HECW1: variants seen among roughly 807,000 people sequenced by gnomAD.
The protein encoded by HECW1 is HECT, C2 and WW domain containing E3 ubiquitin protein ligase 1.
Under a neutral mutation model 182.3 loss-of-function variants are expected in HECW1, and 61 were observed. That is an observed-to-expected ratio of 0.33 (90% CI 0.27 to 0.41). The LOEUF (loss-of-function observed/expected upper bound fraction) is 0.41, where lower values mean the gene tolerates loss of function less well. Among genes scored for constraint, HECW1 ranks in the 10% least tolerant of loss-of-function variants. The pLI is 1.00. For missense variants in HECW1, 1,739 were observed against 2,108.9 expected, an observed-to-expected ratio of 0.82 and a Z score of 3.44; for synonymous variants, 859 against 832.6, an observed-to-expected ratio of 1.03 and a Z score of -0.55.
chr7:43,324,946 G>T (rs1157454842), intron 5 of HECW1, among the ~76,000 whole-genome samples: 1 of 151,856 alleles, frequency 6.6e-6, no homozygotes, highest in African/African-American at 2.4e-5. Context: ...TTTTCTTTGG[G>T]GATAATGATT....
At chr7:43,258,378 A>G (rs1354852891) in intron 3 of HECW1, among the ~76,000 whole-genome samples, 1 of 151,990 alleles carries the variant, frequency 6.6e-6, no homozygotes, top group Non-Finnish European at 1.5e-5. Flanking sequence ...AAAAAATAAA[A>G]AAAAAGAATT....
chr7:43,473,578 G>T (rs992420734), intron 16 of HECW1, among the ~76,000 whole-genome samples: 1 of 151,814 alleles, frequency 6.6e-6, no homozygotes, highest in Admixed American at 6.6e-5. Flanking sequence ...TAATACAAAT[G>T]GAATAGTTGT....
Position 43,308,031 on chromosome 7 carries a change from ATATTATATTG to A in HECW1, c.28-3723_28-3714del, listed in dbSNP as rs537978459. On this transcript the variant is annotated intron_variant, in intron 3 of 29. Coordinates refer to ENST00000395891, the MANE Select transcript of HECW1 (RefSeq NM_015052.5). ...ATATACAGTATATATAATATATTAT[ATATTATATTG>A]TATTATATATAATACAACATATAAT... 9.8e-3 allele frequency among the ~76,000 whole-genome samples: 1,158 copies of A among 118,346 alleles called. 25 individuals carry two copies. Among genetic ancestry groups the A allele is most frequent in the African/African-American group, 0.036 (1,066 of 29,864 alleles). 77.6% of individuals were successfully genotyped at this position (118,346 alleles called of 152,430 possible). A position where few individuals can be genotyped will look rare whatever the true frequency, so the allele number is the denominator to read the frequency against.
At chr7:43,170,577 T>C (rs987301455) in intron 2 of HECW1, among the ~76,000 whole-genome samples, 7 of 152,136 alleles carry the variant, frequency 4.6e-5, no homozygotes, top group African/African-American at 1.2e-4. Context: ...GACAGCACAC[T>C]CTCACTGGCA....
At chr7:43,445,897 A>T (rs2077039563) in intron 11 of HECW1, among the ~76,000 whole-genome samples, 1 of 152,238 alleles carries the variant, frequency 6.6e-6, no homozygotes, top group African/African-American at 2.4e-5. Context: ...TCTTAACAGC[A>T]GCCAGAGCCC....
At chr7:43,494,087 T>C (rs1312641812) in intron 19 of HECW1, among the ~76,000 whole-genome samples, 1 of 152,154 alleles carries the variant, frequency 6.6e-6, no homozygotes, top group Non-Finnish European at 1.5e-5. Context: ...CACTGACAGC[T>C]TCAAGTAGTC....
chr7:43,426,928 C>T (rs1014247569), intron 8 of HECW1, among the ~76,000 whole-genome samples: 1 of 151,800 alleles, frequency 6.6e-6, no homozygotes, highest in Non-Finnish European at 1.5e-5. Context: ...GCTGTATCTC[C>T]AAAATATATA....
intron 16 of HECW1, among the ~76,000 whole-genome samples, chr7:43,471,398 G>C (rs1401096567): frequency 6.6e-6 from 1 of 152,094 alleles, no homozygotes; most frequent in African/African-American, 2.4e-5. Context: ...CCTCACCCTG[G>C]ACAATCTGCT....
chr7:43,325,212 A>G (rs1176392962), intron 5 of HECW1, among the ~76,000 whole-genome samples: 1 of 152,222 alleles, frequency 6.6e-6, no homozygotes, highest in Non-Finnish European at 1.5e-5. Context: ...AACTCTAAAG[A>G]TACAAACTTG....
intron 8 of HECW1, among the ~76,000 whole-genome samples, chr7:43,436,474 G>A (rs903697061): frequency 2.0e-5 from 3 of 152,154 alleles, no homozygotes; most frequent in Non-Finnish European, 2.9e-5. Context: ...AGTCAGCGAA[G>A]GGAGATATGG....
At chr7:43,262,201 A>T (rs1801247390) in intron 3 of HECW1, among the ~76,000 whole-genome samples, 1 of 151,958 alleles carries the variant, frequency 6.6e-6, no homozygotes, top group South Asian at 2.1e-4. Context: ...ACCCTGGGTG[A>T]CAGAATGAGA....
At chr7:43,347,242 A>T (rs1244484250) in intron 5 of HECW1, among the ~76,000 whole-genome samples, 1 of 141,802 alleles carries the variant, frequency 7.1e-6, no homozygotes, top group Non-Finnish European at 1.5e-5. Context: ...GGTTTTTTAA[A>T]TTTTTTAAAA....
intron 13 of HECW1, among the ~76,000 whole-genome samples, chr7:43,460,500 T>A (rs1195390554): frequency 6.6e-6 from 1 of 152,130 alleles, no homozygotes; most frequent in East Asian, 1.9e-4. Context: ...GGAGGGCTTT[T>A]TTCCTTCTTG....
intron 5 of HECW1, among the ~76,000 whole-genome samples, chr7:43,351,840 T>C (rs576322771): frequency 6.6e-6 from 1 of 152,312 alleles, no homozygotes; most frequent in South Asian, 2.1e-4. Context: ...GACCAATGTC[T>C]AGCAATCCAG....
chr7:43,460,764 G>T (rs6947048), intron 13 of HECW1, among the ~76,000 whole-genome samples: 5,035 of 152,218 alleles, frequency 0.033, 273 homozygotes, highest in African/African-American at 0.11. Flanking sequence ...CTGCAGTCCT[G>T]CCCTGAAAGA....
intron 8 of HECW1, 92 bp from the exon 9 acceptor site, chr7:43,437,911 T>C: frequency 7.6e-7 from 1 of 1,316,858 alleles, no homozygotes; most frequent in South Asian, 1.3e-5. Context: ...AGCTAGGATG[T>C]TTTACAGTGA....
intron 3 of HECW1, among the ~76,000 whole-genome samples, chr7:43,266,637 G>A (rs897865790): frequency 2.6e-5 from 4 of 151,992 alleles, no homozygotes; most frequent in African/African-American, 9.7e-5. Flanking sequence ...CCCGGCCTCA[G>A]GAAATGTTTT....
chr7:43,185,145 A>C (rs1793266019), intron 2 of HECW1, among the ~76,000 whole-genome samples: 3 of 151,996 alleles, frequency 2.0e-5, no homozygotes, highest in African/African-American at 7.3e-5. Flanking sequence ...CCAAAAGGAC[A>C]GGGATGGTGG....
chr7:43,510,818 C>T (rs923017424), intron 24 of HECW1, among the ~76,000 whole-genome samples: 1 of 152,142 alleles, frequency 6.6e-6, no homozygotes, highest in African/African-American at 2.4e-5. Context: ...ACCTTGGTGT[C>T]AAGCATGTTT....
Sources: gnomAD v4.1 joint callset for allele counts (sites outside exome capture counted in the v4.1 genomes callset) on GRCh38, gnomAD v4.1.1 for gene constraint, MANE v1.5 for transcripts, NCBI Gene and HGNC (gene_info 2026-07-23, HGNC 2026-07-21) for gene names.